Variants in RAC2 observed in about 807,000 individuals in gnomAD.
RAC2 encodes Rac family small GTPase 2.
RAC2 carries 1 observed loss-of-function variant against 24.0 expected under a neutral mutation model. The ratio of observed to expected loss-of-function variants is 0.04; its 90% CI spans 0.01 to 0.20. RAC2 has a LOEUF of 0.20. RAC2 is among the 10% of genes least tolerant of loss of function. The pLI is 1.00. For synonymous variants in RAC2, 114 were observed against 106.8 expected (o/e 1.07, Z -0.41); for missense variants, 130 against 259.1 (o/e 0.50, Z 3.42).
intron 2 of RAC2, among the ~76,000 whole-genome samples, chr22:37,235,273 G>A (rs1485297411): frequency 1.3e-5 from 2 of 152,004 alleles, no homozygotes; most frequent in Non-Finnish European, 2.9e-5. Context: ...AGAATTCCTG[G>A]TTACCTCTCA....
At chr22:37,226,549 CA>C (rs1569087322) in intron 6 of RAC2, 121 bp downstream of exon 6, 2 of 1,329,300 alleles carry the variant, frequency 1.5e-6, no homozygotes, top group African/African-American at 2.9e-5. Context: ...GAAACTGAGG[CA>C]ACCTCCATAC....
intron 2 of RAC2, among the ~76,000 whole-genome samples, chr22:37,233,278 T>TTTTG (rs1207160096): frequency 2.1e-5 from 3 of 144,210 alleles, no homozygotes; most frequent in East Asian, 2.1e-4. Flanking sequence ...TTTTGTTGTT[T>TTTTG]TTTGTTTGTT....
intron 5 of RAC2, among the ~76,000 whole-genome samples, chr22:37,229,988 TAGA>T (rs142073919): frequency 0.024 from 3,662 of 152,142 alleles, 135 homozygotes; most frequent in African/African-American, 0.083. Context: ...GCACCCTGAA[TAGA>T]AGGAGTCCAG....
intron 2 of RAC2, among the ~76,000 whole-genome samples, chr22:37,238,657 G>A (rs1021438526): frequency 6.6e-6 from 1 of 152,212 alleles, no homozygotes; most frequent in Non-Finnish European, 1.5e-5. Context: ...TTCCTGCCAT[G>A]TTTCTGTATC....
chr22:37,232,701 A>G, intron 3 of RAC2, 100 bp downstream of exon 3: 1 of 964,560 alleles, frequency 1.0e-6, no homozygotes. Flanking sequence ...TTAAGGGGAG[A>G]GGTAGGGTTT....
At chr22:37,239,395 GC>G (rs1182565646) in intron 2 of RAC2, among the ~76,000 whole-genome samples, 2 of 152,212 alleles carry the variant, frequency 1.3e-5, no homozygotes, top group African/African-American at 4.8e-5. Context: ...CATAGAGCTG[GC>G]CCTACTGGGA....
In RAC2 at chr22:37,231,304, G is replaced by A; in HGVS notation, c.375C>T (p.Thr125=). 6.2e-7 allele frequency: 1 copy of A among 1,614,166 alleles called. No individual in the cohort carries two copies. Among genetic ancestry groups the A allele is most frequent in the Non-Finnish European group, 8.5e-7 (1 of 1,180,042 alleles). Residue 125 remains threonine (T), a synonymous_variant, in exon 5 of 7, where the codon ACC becomes ACT. Transcript: ENST00000249071. The surrounding 1 kb of genome is among the most constrained non-coding windows in gnomAD (Gnocchi z 5.5). ...GCTTCTTCTCCTTCAGTTTCTCGAT[G>A]GTGTCCTTGTCGTCCCGCAGGTCCA... The part of the protein sequence containing the change: ...TKLDLRDDKD[T]IEKLKEKKLA...
At chr22:37,233,115 A>G (rs1229876212) in intron 2 of RAC2, among the ~76,000 whole-genome samples, 197 bp from the exon 3 acceptor site, 2 of 152,270 alleles carry the variant, frequency 1.3e-5, no homozygotes, top group East Asian at 3.8e-4. Flanking sequence ...AAAATGTAAT[A>G]CAAGTTAACA....
At chr22:37,232,455 C>G (rs1334711292) in intron 3 of RAC2, 1 of 440,764 alleles carries the variant, frequency 2.3e-6, no homozygotes, top group Non-Finnish European at 4.2e-6. Context: ...AGGCATCCTC[C>G]ACCTCTCCCC....
intron 5 of RAC2, among the ~76,000 whole-genome samples, chr22:37,229,241 T>A (rs939754909): frequency 5.4e-5 from 6 of 110,958 alleles, no homozygotes; most frequent in Non-Finnish European, 1.1e-4. Flanking sequence ...TGCCATGCGA[T>A]GGCTCATCAA....
chr22:37,227,994 C>T (rs1926936232), intron 5 of RAC2, among the ~76,000 whole-genome samples: 2 of 152,150 alleles, frequency 1.3e-5, no homozygotes, highest in Admixed American at 1.3e-4. Flanking sequence ...GGGAGCCTCA[C>T]CTTCTAGAAA....
rs917454378 is a variant in RAC2, at chr22:37,231,426, G to C, written c.289-36C>G. 6 of 1,604,518 alleles carry C rather than the reference G, an allele frequency of 3.7e-6. No individual in the cohort carries two copies. Among genetic ancestry groups the C allele is most frequent in the Admixed American group, 3.3e-5 (2 of 59,968 alleles). On this transcript the variant is annotated intron_variant, in intron 4 of 6. Coordinates refer to ENST00000249071, the MANE Select transcript of RAC2 (RefSeq NM_002872.5). The surrounding 1 kb of genome is among the most constrained non-coding windows in gnomAD (Gnocchi z 5.5). Reference sequence around the variant, plus strand: ...GGGTGGGGGGACACAAGGTTGTATGGGTCAAGAGGGGGCGCGAGGCTGTGC... The same window carrying C: ...GGGTGGGGGGACACAAGGTTGTATGCGTCAAGAGGGGGCGCGAGGCTGTGC...
intron 2 of RAC2, among the ~76,000 whole-genome samples, chr22:37,238,228 G>A (rs1354919675): frequency 6.6e-6 from 1 of 151,902 alleles, no homozygotes; most frequent in East Asian, 1.9e-4. Context: ...TTTTTTGGGA[G>A]GCTCTTTTTA....
At chr22:37,236,621 C>T (rs1927230820) in intron 2 of RAC2, among the ~76,000 whole-genome samples, 1 of 152,158 alleles carries the variant, frequency 6.6e-6, no homozygotes, top group Admixed American at 6.5e-5. Flanking sequence ...AACTCTGAGG[C>T]CTGGCCCTAG....
chr22:37,244,175 T>C lies in RAC2; in HGVS notation c.-27A>G, dbSNP rs764189477. 6.2e-7 allele frequency: 1 copy of C among 1,613,122 alleles called. No individual in the cohort carries two copies. Among genetic ancestry groups the C allele is most frequent in the Non-Finnish European group, 8.5e-7 (1 of 1,179,606 alleles). ...GTGTCCGGAGCCTGGAGAGTGTCGGTGGTGACAGCTCAGGGCCAGGCGCGT... is the reference window on the plus strand; with the variant it reads ...GTGTCCGGAGCCTGGAGAGTGTCGGCGGTGACAGCTCAGGGCCAGGCGCGT... On this transcript the variant is annotated 5_prime_UTR_variant, in exon 1 of 7. Transcript: ENST00000249071.
chr22:37,240,901 GT>G, intron 2 of RAC2: 2 of 654,980 alleles, frequency 3.1e-6, no homozygotes, highest in Non-Finnish European at 5.7e-6. Flanking sequence ...GAACAGTAGG[GT>G]CCGGAGGAGG....
chr22:37,238,046 G>A (rs1007440191), intron 2 of RAC2, among the ~76,000 whole-genome samples: 6 of 151,904 alleles, frequency 3.9e-5, no homozygotes, highest in Admixed American at 6.6e-5. Flanking sequence ...GAAGAGGTTC[G>A]GGGGAGGCAG....
Position 37,226,727 on chromosome 22 carries a change from G to A in RAC2, c.525C>T (p.Ala175=), listed in dbSNP as rs575699146. 58 of 1,613,152 alleles carry A rather than the reference G, an allele frequency of 3.6e-5. No individual in the cohort carries two copies. Among genetic ancestry groups the A allele is most frequent in the Non-Finnish European group, 4.4e-5 (52 of 1,179,592 alleles). The part of the protein sequence containing the change: ...LKTVFDEAIR[A]VLCPQPTRQQ... Reference sequence around the variant, plus strand: ...GCCGCGTGGGCTGAGGGCACAGCACGGCCCGGATGGCCTCGTCGAACACGG... The same window carrying A: ...GCCGCGTGGGCTGAGGGCACAGCACAGCCCGGATGGCCTCGTCGAACACGG... The change falls in exon 6 of 7, where the codon GCC becomes GCT. Residue 175 remains alanine, a synonymous_variant. Coordinates refer to ENST00000249071, the MANE Select transcript of RAC2 (RefSeq NM_002872.5).
chr22:37,232,070 A>T (rs1289655812), intron 3 of RAC2, 76 bp from the exon 4 acceptor site: 2 of 1,447,860 alleles, frequency 1.4e-6, no homozygotes, highest in Non-Finnish European at 1.9e-6. Flanking sequence ...CGAGAGGTGG[A>T]GCTTGGGGCT....
Sources: allele counts gnomAD v4.1 joint callset (sites outside exome capture counted in the v4.1 genomes callset), GRCh38; gene constraint gnomAD v4.1.1; non-coding constraint Gnocchi (gnomAD v3.1); transcripts MANE v1.5; gene names NCBI Gene and HGNC (gene_info 2026-07-23, HGNC 2026-07-21).